The following CCDC141 variants were observed in gnomAD, a reference collection of about 807,000 sequenced individuals.
CCDC141 encodes coiled-coil domain containing 141, also known as coiled-coil domain-containing protein 141.
In CCDC141, 168 loss-of-function variants were observed where a neutral mutation model predicts 181.0. The ratio of observed to expected loss-of-function variants is 0.93; its 90% CI spans 0.82 to 1.05. The LOEUF is 1.05. Among genes scored for constraint, CCDC141 ranks in the 50% least tolerant of loss-of-function variants. The probability of loss-of-function intolerance (pLI) is 0.00; values close to 1 mark genes in which losing one functional copy is unlikely to be tolerated. For missense variants in CCDC141, 1,902 were observed against 1,788.5 expected (o/e 1.06, Z -1.14); for synonymous variants, 666 against 642.3 (o/e 1.04, Z -0.56).
intron 6 of CCDC141, among the ~76,000 whole-genome samples, chr2:178,924,007 A>G (rs1396184925): frequency 6.6e-6 from 1 of 152,218 alleles, no homozygotes; most frequent in Non-Finnish European, 1.5e-5. Flanking sequence ...TAAGAATGTT[A>G]GCTGCTCCAA....
At chr2:178,872,489 T>G (rs1484308772) in intron 12 of CCDC141, among the ~76,000 whole-genome samples, 177 bp from the exon 13 acceptor site, 1 of 152,156 alleles carries the variant, frequency 6.6e-6, no homozygotes, top group African/African-American at 2.4e-5. Flanking sequence ...CGGAACCACA[T>G]GCTGTGCTTA....
chr2:178,986,550 T>G (rs574631817), intron 2 of CCDC141, among the ~76,000 whole-genome samples: 207 of 152,208 alleles, frequency 1.4e-3, no homozygotes, highest in African/African-American at 4.8e-3. Flanking sequence ...GATGACATGA[T>G]TGTATATCTA....
Position 178,898,432 on chromosome 2 carries a change from C to A in CCDC141, c.1265+6897G>T, listed in dbSNP as rs949170799. 3.3e-5 allele frequency among the ~76,000 whole-genome samples: 5 copies of A among 152,272 alleles called. 1 individual carries two copies. The highest frequency in any genetic ancestry group is 3.3e-4 in the Admixed American group (5 of 15,290). ...ATTACCAGTCTCAGTTATTCTTCTA[C>A]AGCAACAGAAAATGGACTAAGACAA... On this transcript the variant is annotated intron_variant, in intron 8 of 23. Transcript: ENST00000443758.
intron 2 of CCDC141, among the ~76,000 whole-genome samples, chr2:178,985,636 T>G (rs930023452): frequency 1.3e-5 from 2 of 151,734 alleles, no homozygotes; most frequent in Admixed American, 1.3e-4. Context: ...AAAGGGGATA[T>G]CACCACCGAT....
chr2:178,847,108 A>C (rs537773235), intron 21 of CCDC141, among the ~76,000 whole-genome samples: 82 of 152,204 alleles, frequency 5.4e-4, no homozygotes, highest in Non-Finnish European at 1.1e-3. Flanking sequence ...CTTGCCAGAG[A>C]GACCCTTTCT....
At chr2:179,015,067 G>GAGATATATATATATATAT (rs1452838868) in intron 2 of CCDC141, among the ~76,000 whole-genome samples, 1 of 39,594 alleles carries the variant, frequency 2.5e-5, no homozygotes, top group African/African-American at 6.5e-5. Context: ...GAGAGACAGA[G>GAGATATATATATATATAT]ATATATATAT....
At chr2:178,979,150 A>G (rs963318910) in intron 2 of CCDC141, among the ~76,000 whole-genome samples, 3 of 152,176 alleles carry the variant, frequency 2.0e-5, no homozygotes, top group African/African-American at 4.8e-5. Context: ...TTAAACCAGA[A>G]TAGTCATAAT....
chr2:179,031,285 T>C (rs182008129), intron 2 of CCDC141, among the ~76,000 whole-genome samples: 2 of 152,080 alleles, frequency 1.3e-5, no homozygotes, highest in Admixed American at 6.6e-5. Flanking sequence ...GTTGAATATG[T>C]GCACAGAGTT....
chr2:178,885,586 T>C (rs1203456746), intron 10 of CCDC141, among the ~76,000 whole-genome samples: 1 of 152,132 alleles, frequency 6.6e-6, no homozygotes, highest in African/African-American at 2.4e-5. Flanking sequence ...GTGGGGAAAA[T>C]ATTACATATC....
chr2:178,865,886 G>A lies in CCDC141; in HGVS notation c.2605C>T (p.Gln869Ter). ...TCCTCAAGGAGCTCCAGCTGCTGCT[G>A]TAGGTTCTTTGCAGAAACATTAGAG... The part of the protein sequence containing the change: ...HCSNVSAKNL[Q>*]QQLELLEEDS... Residue 869 changes from glutamine to a stop codon, truncating the protein, a stop_gained, in exon 17 of 24, where the codon CAG becomes TAG. Transcript: ENST00000443758. LOFTEE classifies it high-confidence loss of function. 6.3e-7 allele frequency: 1 copy of A among 1,596,716 alleles called. No homozygotes were observed. Among genetic ancestry groups the A allele is most frequent in the Non-Finnish European group, 8.5e-7 (1 of 1,171,714 alleles).
chr2:178,960,364 A>C (rs988881750), intron 5 of CCDC141, among the ~76,000 whole-genome samples: 1 of 152,202 alleles, frequency 6.6e-6, no homozygotes, highest in African/African-American at 2.4e-5. Context: ...TCTTGGACTC[A>C]TATGCGCTTC....
At position 179,037,053 on chromosome 2, in the gene CCDC141, G is replaced by A. The variant is rs573605565; in HGVS notation, c.225+10231C>T. ...TGGAGACAGGTGGATCTGAGGCACAGATACATAACTAGCTGCCCTAGGTGG... is the reference window on the plus strand; with the variant it reads ...TGGAGACAGGTGGATCTGAGGCACAAATACATAACTAGCTGCCCTAGGTGG... On this transcript the variant is annotated intron_variant, in intron 2 of 23. Transcript: ENST00000443758. Among the ~76,000 whole-genome samples, 8 of 152,356 alleles carry A rather than the reference G, an allele frequency of 5.3e-5. No individual in the cohort carries two copies. The South Asian group carries it at 1.7e-3, about 32-fold the overall frequency.
chr2:178,864,010 T>C (rs1685731141), intron 17 of CCDC141, among the ~76,000 whole-genome samples: 1 of 152,182 alleles, frequency 6.6e-6, no homozygotes, highest in African/African-American at 2.4e-5. Context: ...ATAGAATTCC[T>C]GCTGGAAGGG....
rs1465130773 is a variant in CCDC141, at chr2:178,831,760, T to C, written c.*2413A>G. On this transcript the variant is annotated 3_prime_UTR_variant, in exon 24 of 24. Transcript: ENST00000443758. ...CTTTACTGCTGTGGGAGTCAATCAA[T>C]AGCCCAGATGAATAGGTAGATGGAT... The C allele has an allele frequency of 6.6e-6, 1 of 152,188 alleles. No individual in the cohort carries two copies. The highest frequency in any genetic ancestry group is 2.4e-5 in the African/African-American group (1 of 41,450). The allele number at this position is 152,188 out of a possible 1,614,324, so 9.4% of individuals were successfully genotyped here.
chr2:178,920,293 T>C (rs1688628267), intron 6 of CCDC141, among the ~76,000 whole-genome samples: 1 of 152,230 alleles, frequency 6.6e-6, no homozygotes, highest in Non-Finnish European at 1.5e-5. Flanking sequence ...TTTGTTATAT[T>C]ACATTGTGTA....
intron 2 of CCDC141, among the ~76,000 whole-genome samples, chr2:179,021,651 G>A (rs1245167375): frequency 6.6e-6 from 1 of 152,150 alleles, no homozygotes; most frequent in East Asian, 1.9e-4. Flanking sequence ...CACAGTAACA[G>A]AAAGAGACAA....
At chr2:179,001,058 C>T (rs1323646620) in intron 2 of CCDC141, among the ~76,000 whole-genome samples, 2 of 152,116 alleles carry the variant, frequency 1.3e-5, no homozygotes, top group Admixed American at 6.6e-5. Context: ...AGCAGTGTTT[C>T]TCAATCTTGA....
chr2:178,857,138 C>T (rs796235711), intron 17 of CCDC141, among the ~76,000 whole-genome samples: 6 of 152,032 alleles, frequency 3.9e-5, no homozygotes, highest in East Asian at 1.9e-4. Flanking sequence ...ATTCTGTTTT[C>T]GATACACTAA....
intron 7 of CCDC141, among the ~76,000 whole-genome samples, chr2:178,909,934 G>A (rs1688149687): frequency 6.6e-6 from 1 of 152,146 alleles, no homozygotes; most frequent in South Asian, 2.1e-4. Context: ...AAGGATATAG[G>A]ACAAGGATAA....
Sources: allele counts gnomAD v4.1 joint callset (sites outside exome capture counted in the v4.1 genomes callset), GRCh38; gene constraint gnomAD v4.1.1; transcripts MANE v1.5; gene names NCBI Gene and HGNC (gene_info 2026-07-23, HGNC 2026-07-21).